Variants in BCAS4 observed in about 807,000 individuals in gnomAD.
BCAS4 encodes the protein breast carcinoma-amplified sequence 4.
BCAS4 carries 9 observed loss-of-function variants against 15.7 expected under a neutral mutation model. The observed-to-expected ratio is 0.57, with a 90% CI of 0.34 to 1.00. The LOEUF (loss-of-function observed/expected upper bound fraction) is 1.00, where lower values mean the gene tolerates loss of function less well. Among genes scored for constraint, BCAS4 ranks in the 50% least tolerant of loss-of-function variants. BCAS4 has a pLI of 0.02. For missense variants in BCAS4, 225 were observed against 239.1 expected, an observed-to-expected ratio of 0.94 and a Z score of 0.39; for synonymous variants, 101 against 99.5, an observed-to-expected ratio of 1.02 and a Z score of -0.09.
Position 50,851,713 on chromosome 20 carries a change from C to G in BCAS4, c.399+9813C>G, listed in dbSNP as rs970454021. ...GCCCTGCCATCCTGGGGTTGTTGGA[C>G]ATTGTTTGCGGCCTTTGCACATGCC... On this transcript the variant is annotated intron_variant, in intron 4 of 4. Coordinates refer to ENST00000371608, the MANE Select transcript of BCAS4 (RefSeq NM_198799.4). The surrounding 1 kb of genome is among the most constrained non-coding windows in gnomAD (Gnocchi z 4.3). Among the ~76,000 whole-genome samples the G allele has an allele frequency of 3.9e-5, 6 of 152,168 alleles. No homozygotes were observed. Among genetic ancestry groups the G allele is most frequent in the African/African-American group, 1.4e-4 (6 of 41,426 alleles).
intron 2 of BCAS4, among the ~76,000 whole-genome samples, chr20:50,825,645 G>A (rs1568664224): frequency 6.6e-6 from 1 of 152,228 alleles, no homozygotes; most frequent in Non-Finnish European, 1.5e-5. Flanking sequence ...GGGAAGCCAA[G>A]GTGGGAGGAT....
chr20:50,845,803 G>T (rs1437287472), intron 4 of BCAS4, among the ~76,000 whole-genome samples: 1 of 152,260 alleles, frequency 6.6e-6, no homozygotes, highest in East Asian at 1.9e-4. Context: ...ATATTGGGTG[G>T]CCCCACGGGA....
rs577136802 is a variant in BCAS4, at chr20:50,860,265, C to T, written c.400-16221C>T. On this transcript the variant is annotated intron_variant, in intron 4 of 4. Coordinates refer to ENST00000371608, the MANE Select transcript of BCAS4 (RefSeq NM_198799.4). ...GACCTGCTGATCCCATGCAGAGCTCCCCAGTCCGACTTGGACTCATTTGCA... is the reference window on the plus strand; with the variant it reads ...GACCTGCTGATCCCATGCAGAGCTCTCCAGTCCGACTTGGACTCATTTGCA... Among the ~76,000 whole-genome samples, 7 of 152,290 alleles carry T rather than the reference C, an allele frequency of 4.6e-5. No individual in the cohort carries two copies. In the East Asian group the frequency reaches 1.2e-3, roughly 25 times the overall value.
At chr20:50,848,648 T>G (rs1336023944) in intron 4 of BCAS4, among the ~76,000 whole-genome samples, 2 of 152,240 alleles carry the variant, frequency 1.3e-5, no homozygotes, top group Non-Finnish European at 2.9e-5. Context: ...CCAGGGCTCG[T>G]TCTCTGCTCT....
intron 2 of BCAS4, among the ~76,000 whole-genome samples, chr20:50,828,176 G>T (rs946539720): frequency 6.6e-6 from 1 of 152,022 alleles, no homozygotes; most frequent in East Asian, 1.9e-4. Flanking sequence ...TCTCAGGGCC[G>T]ATTTTTGACC....
intron 3 of BCAS4, among the ~76,000 whole-genome samples, chr20:50,836,196 G>C (rs185142925): frequency 2.0e-5 from 3 of 152,322 alleles, no homozygotes; most frequent in Admixed American, 6.5e-5. Flanking sequence ...GATTACCGGC[G>C]TGAGCCACTG....
intron 1 of BCAS4, among the ~76,000 whole-genome samples, chr20:50,800,719 G>A (rs1043254753): frequency 2.0e-4 from 30 of 151,852 alleles, no homozygotes; most frequent in African/African-American, 6.8e-4. Flanking sequence ...GCACTACCAC[G>A]CCCGGCTAAT....
intron 1 of BCAS4, among the ~76,000 whole-genome samples, chr20:50,803,285 G>A (rs2087950460): frequency 2.0e-5 from 3 of 152,248 alleles, no homozygotes; most frequent in South Asian, 2.1e-4. Flanking sequence ...CGGCTGCAGC[G>A]GGAGTCAGCG....
Position 50,830,386 on chromosome 20 carries a change from T to C in BCAS4, c.264+6T>C. ...CCAAAGTGGACCGGCTAGAGGTACGTCTAGGCAAACGAAGGTTCTGAGGCT... is the reference window on the plus strand; with the variant it reads ...CCAAAGTGGACCGGCTAGAGGTACGCCTAGGCAAACGAAGGTTCTGAGGCT... On this transcript the variant is annotated splice_donor_region_variant and intron_variant, in intron 3 of 4. Transcript: ENST00000371608. The C allele has an allele frequency of 1.2e-6, 2 of 1,608,956 alleles. No individual in the cohort carries two copies. The highest frequency in any genetic ancestry group is 1.7e-6 in the Non-Finnish European group (2 of 1,177,768).
At chr20:50,841,744 A>C in intron 3 of BCAS4, 22 bp from the exon 4 acceptor site, 1 of 1,613,876 alleles carries the variant, frequency 6.2e-7, no homozygotes, top group Non-Finnish European at 8.5e-7. Flanking sequence ...ATGCGGCATC[A>C]TGGCTTCTCC....
chr20:50,859,155 C>T (rs1449150226), intron 4 of BCAS4, among the ~76,000 whole-genome samples: 1 of 152,108 alleles, frequency 6.6e-6, no homozygotes, highest in East Asian at 1.9e-4. Context: ...GTTGCCCAGG[C>T]TGGTCTGAAC....
chr20:50,836,059 A>G (rs2088405537), intron 3 of BCAS4, among the ~76,000 whole-genome samples: 1 of 152,018 alleles, frequency 6.6e-6, no homozygotes, highest in Non-Finnish European at 1.5e-5. Context: ...CTGGGATTAC[A>G]GGCGCGTGCC....
chr20:50,822,478 A>G (rs1462808463), intron 2 of BCAS4, among the ~76,000 whole-genome samples: 1 of 152,144 alleles, frequency 6.6e-6, no homozygotes, highest in Non-Finnish European at 1.5e-5. Context: ...TGAGGCAGAG[A>G]TGTGTGCTTT....
chr20:50,803,343 G>C (rs1223852145), intron 1 of BCAS4, among the ~76,000 whole-genome samples: 3 of 152,230 alleles, frequency 2.0e-5, no homozygotes, highest in Non-Finnish European at 4.4e-5. Flanking sequence ...TGCTGAGTGA[G>C]AGGTGCAAGG....
At position 50,807,152 on chromosome 20, in the gene BCAS4, G is replaced by A. The variant is rs147557448; in HGVS notation, c.91-11059G>A. Among the ~76,000 whole-genome samples the A allele has an allele frequency of 5.0e-3, 727 of 144,666 alleles. 8 individuals carry two copies. The highest frequency in any genetic ancestry group is 0.018 in the African/African-American group (700 of 38,852). The allele number at this position is 144,666 out of a possible 152,430, so 94.9% of individuals were successfully genotyped here. A position where few individuals can be genotyped will look rare whatever the true frequency, so the allele number is the denominator to read the frequency against. ...CTCCAAAAGTGCTGGGATTACAGGC[G>A]TGAGCCACCACACCCAGCCCAATTA... On this transcript the variant is annotated intron_variant, in intron 1 of 4. Transcript: ENST00000371608.
rs142941037 is a variant in BCAS4, at chr20:50,801,635, C to G, written c.90+6462C>G. 2.5e-3 allele frequency among the ~76,000 whole-genome samples: 375 copies of G among 152,322 alleles called. 1 individual carries two copies. The highest frequency in any genetic ancestry group is 8.7e-3 in the African/African-American group (362 of 41,564). On this transcript the variant is annotated intron_variant, in intron 1 of 4. Coordinates refer to ENST00000371608, the MANE Select transcript of BCAS4 (RefSeq NM_198799.4). ...GAATTACAGGCATGAGCCACCGCACCTGGCCTCTTCCTTAAATTGTATGGC... is the reference window on the plus strand; with the variant it reads ...GAATTACAGGCATGAGCCACCGCACGTGGCCTCTTCCTTAAATTGTATGGC...
At chr20:50,813,859 C>T (rs936196939) in intron 1 of BCAS4, among the ~76,000 whole-genome samples, 11 of 151,500 alleles carry the variant, frequency 7.3e-5, no homozygotes, top group African/African-American at 2.7e-4. Flanking sequence ...ACCCACTCAC[C>T]ATCTCCACTG....
chr20:50,813,871 T>G (rs1282935812), intron 1 of BCAS4, among the ~76,000 whole-genome samples: 3 of 150,936 alleles, frequency 2.0e-5, no homozygotes, highest in African/African-American at 7.3e-5. Context: ...TCTCCACTGG[T>G]CCTTCCTTGA....
chr20:50,818,292 T>TGCCTGGAAGGAGTGGGTTTAG lies in BCAS4; in HGVS notation c.162+20_162+21insAGTGGGTTTAGGCCTGGAAGG. 6.2e-7 allele frequency: 1 copy of TGCCTGGAAGGAGTGGGTTTAG among 1,606,600 alleles called. No homozygotes were observed. The highest frequency in any genetic ancestry group is 8.5e-7 in the Non-Finnish European group (1 of 1,176,568). ...CAGCCTGGCTGACCTGGTGAGTGGC[T>TGCCTGGAAGGAGTGGGTTTAG]GCCTGGAAGGCGTGGGTTTAGGCCC... On this transcript the variant is annotated intron_variant, in intron 2 of 4. Transcript: ENST00000371608.
Sources: gnomAD v4.1 joint callset for allele counts (sites outside exome capture counted in the v4.1 genomes callset) on GRCh38, gnomAD v4.1.1 for gene constraint, Gnocchi (gnomAD v3.1) non-coding constraint, MANE v1.5 for transcripts, NCBI Gene and HGNC (gene_info 2026-07-23, HGNC 2026-07-21) for gene names.